Variants in CMC1 observed in about 807,000 individuals in gnomAD.
CMC1 encodes the protein C-X9-C motif containing 1.
In CMC1, 14 loss-of-function variants were observed where a neutral mutation model predicts 14.1. The ratio of observed to expected loss-of-function variants is 0.99; its 90% confidence interval spans 0.66 to 1.55. CMC1 has a LOEUF of 1.55. CMC1 is among the 40% of genes most tolerant of loss of function. The pLI is 0.00. For missense variants in CMC1, 127 were observed against 123.8 expected, an observed-to-expected ratio of 1.03 and a Z score of -0.12; for synonymous variants, 50 against 38.4, an observed-to-expected ratio of 1.30 and a Z score of -1.12.
At chr3:28,242,772 T>C (rs187407080) in intron 1 of CMC1, among the ~76,000 whole-genome samples, 11 of 152,274 alleles carry the variant, frequency 7.2e-5, no homozygotes, top group African/African-American at 2.6e-4. Context: ...AGTACTCTAA[T>C]TTGAAGCATA....
chr3:28,254,173 T>G (rs1699275009), intron 1 of CMC1, among the ~76,000 whole-genome samples: 1 of 152,220 alleles, frequency 6.6e-6, no homozygotes, highest in Non-Finnish European at 1.5e-5. Context: ...AGTAGCAAAC[T>G]TTCAAAATTT....
At chr3:28,253,704 C>T (rs1190705053) in intron 1 of CMC1, 1 of 1,250,714 alleles carries the variant, frequency 8.0e-7, no homozygotes, top group Non-Finnish European at 1.0e-6. Context: ...AAGTTTATTA[C>T]AAGCATTTTT....
intron 2 of CMC1, among the ~76,000 whole-genome samples, chr3:28,275,998 G>T (rs1280438759): frequency 5.9e-5 from 9 of 152,206 alleles, no homozygotes; most frequent in Admixed American, 3.9e-4. Flanking sequence ...TGGAGCTGCA[G>T]TGGTGGCTGC....
chr3:28,258,101 A>G (rs1699518987), intron 1 of CMC1, among the ~76,000 whole-genome samples: 1 of 139,706 alleles, frequency 7.2e-6, no homozygotes, highest in Non-Finnish European at 1.5e-5. Context: ...CAATTTGCAT[A>G]TCATCTTTTG....
At chr3:28,243,704 A>G (rs1698656027) in intron 1 of CMC1, among the ~76,000 whole-genome samples, 3 of 152,196 alleles carry the variant, frequency 2.0e-5, no homozygotes, top group African/African-American at 7.2e-5. Flanking sequence ...TATGTCCCAT[A>G]TTGTTCTGGA....
Position 28,290,520 on chromosome 3 carries a change from A to G in CMC1, c.110-25813A>G, listed in dbSNP as rs150525366. The stretch of plus-strand genomic sequence containing the variant: ...CCCCACCCCACCTTGCAATCATCCT[A>G]CCATAGGTGACGTGATTTTTCTGGT... On this transcript the variant is annotated intron_variant, in intron 2 of 3. Transcript: ENST00000466830. Among the ~76,000 whole-genome samples, 868 of 152,092 alleles carry G rather than the reference A, an allele frequency of 5.7e-3. 6 individuals carry two copies. Among genetic ancestry groups the G allele is most frequent in the African/African-American group, 0.018 (737 of 41,502 alleles).
chr3:28,244,307 C>G (rs1698692337), intron 1 of CMC1, among the ~76,000 whole-genome samples: 2 of 152,080 alleles, frequency 1.3e-5, no homozygotes, highest in Admixed American at 1.3e-4. Context: ...GGGATAGGAG[C>G]AGTAGTCCAG....
chr3:28,306,797 A>G (rs1440647502), intron 2 of CMC1, among the ~76,000 whole-genome samples: 2 of 152,056 alleles, frequency 1.3e-5, no homozygotes, highest in Admixed American at 6.5e-5. Context: ...GGCACCTGTC[A>G]CCACACATGG....
intron 1 of CMC1, among the ~76,000 whole-genome samples, chr3:28,251,146 T>G (rs985952921): frequency 5.9e-5 from 9 of 152,194 alleles, no homozygotes; most frequent in African/African-American, 2.2e-4. Flanking sequence ...CTCACAGTTC[T>G]GCAAGCTATA....
At chr3:28,244,189 C>A (rs1390468386) in intron 1 of CMC1, among the ~76,000 whole-genome samples, 4 of 152,258 alleles carry the variant, frequency 2.6e-5, no homozygotes, top group South Asian at 2.1e-4. Context: ...CCTTTAGAAT[C>A]TTTTAAAGAG....
Position 28,324,248 on chromosome 3 carries a change from A to C in CMC1, c.*4619A>C, listed in dbSNP as rs367925539. 20 of 1,610,144 alleles carry C rather than the reference A, an allele frequency of 1.2e-5. No homozygotes were observed. Among genetic ancestry groups the C allele is most frequent in the Admixed American group, 1.7e-5 (1 of 59,692 alleles). Reference sequence around the variant, plus strand: ...AAGCATGTACCATCATTAGGAATGGATCTCTCATTGTCTGTCCATGATTGG... The same window carrying C: ...AAGCATGTACCATCATTAGGAATGGCTCTCTCATTGTCTGTCCATGATTGG... On this transcript the variant is annotated 3_prime_UTR_variant, in exon 4 of 4. Transcript: ENST00000466830.
chr3:28,283,787 GT>G (rs1168623835), intron 2 of CMC1, among the ~76,000 whole-genome samples: 2 of 152,102 alleles, frequency 1.3e-5, no homozygotes, highest in African/African-American at 2.4e-5. Context: ...GATTACTGCA[GT>G]TACAGTGTCT....
intron 2 of CMC1, chr3:28,291,652 T>A (rs1251948195): frequency 6.6e-6 from 1 of 152,166 alleles, no homozygotes; most frequent in Non-Finnish European, 1.5e-5. Flanking sequence ...AGAGTTGCCT[T>A]GCTGTTTCTC....
At position 28,241,936 on chromosome 3, in the gene CMC1, G is replaced by C. The variant is rs186195958; in HGVS notation, c.19+124G>C. ...TCTGGGTAGCATTGCTTCCACCAGC[G>C]TCTCCTCATACCCGGCGGCTGCTTC... On this transcript the variant is annotated intron_variant, in intron 1 of 3. Coordinates refer to ENST00000466830, the MANE Select transcript of CMC1 (RefSeq NM_182523.2). 1.1e-5 allele frequency: 11 copies of C among 1,002,762 alleles called. No homozygotes were observed. The East Asian group carries it at 3.6e-4, about 33-fold the overall frequency. 62.1% of individuals were successfully genotyped at this position (1,002,762 alleles called of 1,614,324 possible).
intron 1 of CMC1, among the ~76,000 whole-genome samples, chr3:28,262,398 A>G (rs1193328944): frequency 1.3e-5 from 2 of 151,896 alleles, no homozygotes; most frequent in African/African-American, 2.4e-5. Flanking sequence ...TCTTTTGGGG[A>G]TAAATACCTA....
chr3:28,259,532 A>G (rs1396482784), intron 1 of CMC1, among the ~76,000 whole-genome samples: 1 of 152,208 alleles, frequency 6.6e-6, no homozygotes, highest in Non-Finnish European at 1.5e-5. Flanking sequence ...TTGTTGATTC[A>G]GGTACTAATC....
chr3:28,292,814 G>A (rs905162242), intron 2 of CMC1: 10 of 152,158 alleles, frequency 6.6e-5, no homozygotes, highest in African/African-American at 2.4e-4. Flanking sequence ...GCTCCTTGCA[G>A]TTGTGATTGC....
rs779670074 is a variant in CMC1 at position 28,263,340 on chromosome 3, G to A, written c.69G>A (p.Met23Ile). 4 of 1,608,836 alleles carry A rather than the reference G, an allele frequency of 2.5e-6. 1 individual carries two copies. The South Asian group carries it at 4.4e-5, about 18-fold the overall frequency. Residue 23 changes from methionine (M) to isoleucine (I), a missense_variant, in exon 2 of 4, where the codon ATG (methionine) becomes ATA (isoleucine). Physicochemically the swap from Met to Ile is conservative, Grantham distance 10. Transcript: ENST00000466830. ...VEKDVLIPKI[M>I]REKAKERCSE... Reference sequence around the variant, plus strand: ...AAGATGTTTTGATCCCTAAAATAATGAGAGAAAAGGCCAAAGAGAGGTGTT... The same window carrying A: ...AAGATGTTTTGATCCCTAAAATAATAAGAGAAAAGGCCAAAGAGAGGTGTT...
chr3:28,301,713 A>G (rs1702058810), intron 2 of CMC1, among the ~76,000 whole-genome samples: 1 of 152,108 alleles, frequency 6.6e-6, no homozygotes. Context: ...AGCGTACTAT[A>G]AAGTGGGTGA....
Sources: gnomAD v4.1 joint callset for allele counts (sites outside exome capture counted in the v4.1 genomes callset) on GRCh38, gnomAD v4.1.1 for gene constraint, MANE v1.5 for transcripts, NCBI Gene and HGNC (gene_info 2026-07-23, HGNC 2026-07-21) for gene names.